The following KCNJ12 variants were observed in gnomAD, a reference collection of about 807,000 sequenced individuals.
The protein encoded by KCNJ12 is potassium inwardly rectifying channel subfamily J member 12, also known as ATP-sensitive inward rectifier potassium channel 12.
A neutral mutation model predicts 22.3 loss-of-function variants in KCNJ12; 2 were observed. The observed-to-expected ratio is 0.09, with a 90% CI of 0.04 to 0.28. The LOEUF (loss-of-function observed/expected upper bound fraction) is 0.28, where lower values mean the gene tolerates loss of function less well. Among genes scored for constraint, KCNJ12 ranks in the 10% least tolerant of loss-of-function variants. The pLI is 1.00. For missense variants in KCNJ12, 155 were observed against 633.3 expected (o/e 0.24, Z 8.11); for synonymous variants, 117 against 261.4 (o/e 0.45, Z 5.33).
chr17:21,410,413 C>T lies in KCNJ12; in HGVS notation c.-57+1773C>T, dbSNP rs1208437747. The stretch of plus-strand genomic sequence containing the variant: ...TGCTCTGGATGCAGTGGATGAAGCT[C>T]TGTGGCTGAGGAATGGTGCTTGCCT... On this transcript the variant is annotated intron_variant, in intron 2 of 2. Transcript: ENST00000583088. Among the ~76,000 whole-genome samples, 5 of 152,374 alleles carry T rather than the reference C, an allele frequency of 3.3e-5. No individual in the cohort carries two copies. The East Asian group carries it at 7.7e-4, about 24-fold the overall frequency.
intron 1 of KCNJ12, among the ~76,000 whole-genome samples, chr17:21,401,649 C>G (rs1252212338): frequency 7.9e-5 from 12 of 152,246 alleles, no homozygotes; most frequent in Non-Finnish European, 1.5e-4. Flanking sequence ...TGAGCTGAAG[C>G]TGGAGTGGCC....
At chr17:21,395,153 G>A (rs1224039676) in intron 1 of KCNJ12, among the ~76,000 whole-genome samples, 1 of 151,918 alleles carries the variant, frequency 6.6e-6, no homozygotes, top group Middle Eastern at 3.2e-3. Context: ...ACATTAGCTG[G>A]GTTTGCTGGA....
chr17:21,401,726 G>A (rs1427451715), intron 1 of KCNJ12, among the ~76,000 whole-genome samples: 5 of 152,214 alleles, frequency 3.3e-5, no homozygotes, highest in Non-Finnish European at 5.9e-5. Flanking sequence ...AGCACTCTTG[G>A]GGCACAGGGA....
rs1906982137 is a variant in KCNJ12 at position 21,418,688 on chromosome 17, G to C, written c.*2044G>C. On this transcript the variant is annotated 3_prime_UTR_variant, in exon 3 of 3. Transcript: ENST00000583088. ...CTCGGGGTCTGCCAGGGGTGCCTCA[G>C]CTGGTTCCTGCTCCCAGGCCTAGCC... The C allele has an allele frequency of 6.0e-6, 1 of 167,620 alleles. No homozygotes were observed. The highest frequency in any genetic ancestry group is 6.5e-5 in the Admixed American group (1 of 15,300). 10.4% of individuals were successfully genotyped at this position (167,620 alleles called of 1,614,324 possible).
At chr17:21,384,913 T>C (rs1003681839) in intron 1 of KCNJ12, among the ~76,000 whole-genome samples, 90 of 151,944 alleles carry the variant, frequency 5.9e-4, no homozygotes, top group African/African-American at 1.7e-3. Context: ...GCTGGGACTA[T>C]AGGCACCCAC....
Position 21,418,211 on chromosome 17 carries a change from C to T in KCNJ12, c.*1567C>T, listed in dbSNP as rs1332663784. 1.8e-5 allele frequency: 3 copies of T among 167,000 alleles called. No individual in the cohort carries two copies. Among genetic ancestry groups the T allele is most frequent in the African/African-American group, 7.2e-5 (3 of 41,392 alleles). 10.3% of individuals were successfully genotyped at this position (167,000 alleles called of 1,614,324 possible). On this transcript the variant is annotated 3_prime_UTR_variant, in exon 3 of 3. Coordinates refer to ENST00000583088, the MANE Select transcript of KCNJ12 (RefSeq NM_021012.5). The stretch of plus-strand genomic sequence containing the variant: ...GCCCTTCCCAGGGCTGCGGAGAAAA[C>T]CTGCTCTCTTCTAGTCGGGCTTCTC...
chr17:21,396,020 C>T lies in KCNJ12; in HGVS notation c.-178-12499C>T, dbSNP rs564962192. Among the ~76,000 whole-genome samples, 452 of 152,314 alleles carry T rather than the reference C, an allele frequency of 3.0e-3. 4 individuals carry two copies. Among genetic ancestry groups the T allele is most frequent in the Non-Finnish European group, 4.1e-3 (282 of 68,024 alleles). On this transcript the variant is annotated intron_variant, in intron 1 of 2. Transcript: ENST00000583088. Reference sequence around the variant, plus strand: ...GCAGCCAGCCCAGGATGTCCTCGGGCTTCTCGGCTGGGCCACAGCCCTGCT... The same window carrying T: ...GCAGCCAGCCCAGGATGTCCTCGGGTTTCTCGGCTGGGCCACAGCCCTGCT...
At chr17:21,402,357 T>A (rs1263964276) in intron 1 of KCNJ12, among the ~76,000 whole-genome samples, 2 of 152,296 alleles carry the variant, frequency 1.3e-5, no homozygotes, top group African/African-American at 2.4e-5. Flanking sequence ...CCTGTTTTTT[T>A]TTGGTCTGTC....
chr17:21,386,947 G>T (rs1446674282), intron 1 of KCNJ12, among the ~76,000 whole-genome samples: 1 of 152,176 alleles, frequency 6.6e-6, no homozygotes, highest in Non-Finnish European at 1.5e-5. Context: ...ATCTCTTTGG[G>T]GAGGGCACCA....
chr17:21,404,112 G>A (rs1378622700), intron 1 of KCNJ12, among the ~76,000 whole-genome samples: 2 of 152,306 alleles, frequency 1.3e-5, no homozygotes, highest in African/African-American at 2.4e-5. Context: ...CACAAACCCC[G>A]AATAGTTTAG....
intron 2 of KCNJ12, 109 bp downstream of exon 2, chr17:21,408,749 C>T (rs1273913351): frequency 1.3e-5 from 2 of 152,360 alleles, no homozygotes; most frequent in Admixed American, 6.5e-5. Flanking sequence ...CTTTCATCAC[C>T]CATTCCCCCA....
At chr17:21,415,154 G>T in intron 2 of KCNJ12, 133 bp from the exon 3 acceptor site, 1 of 678,968 alleles carries the variant, frequency 1.5e-6, no homozygotes, top group Non-Finnish European at 2.5e-6. Context: ...GAGCTGGCTT[G>T]GGCAAGACCA....
intron 1 of KCNJ12, among the ~76,000 whole-genome samples, chr17:21,384,740 C>T (rs1204171510): frequency 6.7e-6 from 1 of 149,234 alleles, no homozygotes; most frequent in Non-Finnish European, 1.5e-5. Context: ...GGGAATGTCA[C>T]TTTGTTTTTT....
chr17:21,404,849 A>G (rs1233042098), intron 1 of KCNJ12, among the ~76,000 whole-genome samples: 1 of 152,218 alleles, frequency 6.6e-6, no homozygotes, highest in East Asian at 1.9e-4. Flanking sequence ...ACTGTCGTCC[A>G]CTCTGTGGGG....
rs1555557337 is a variant in KCNJ12, at chr17:21,376,949, G to A, written c.-179+36G>A. On this transcript the variant is annotated intron_variant, in intron 1 of 2. Coordinates refer to ENST00000583088, the MANE Select transcript of KCNJ12 (RefSeq NM_021012.5). The surrounding 1 kb of genome is among the most constrained non-coding windows in gnomAD (Gnocchi z 5.3). Reference sequence around the variant, plus strand: ...GGCCGCGGGCGCATGGTCCCTCCCGGGCCCGGCCCCAGTTCCCCGCAGGCC... The same window carrying A: ...GGCCGCGGGCGCATGGTCCCTCCCGAGCCCGGCCCCAGTTCCCCGCAGGCC... The A allele has an allele frequency of 1.3e-5, 2 of 152,016 alleles. No individual in the cohort carries two copies. Among genetic ancestry groups the A allele is most frequent in the Admixed American group, 1.3e-4 (2 of 15,288 alleles). 9.4% of individuals were successfully genotyped at this position (152,016 alleles called of 1,614,324 possible). A position where few individuals can be genotyped will look rare whatever the true frequency, so the allele number is the denominator to read the frequency against.
intron 1 of KCNJ12, among the ~76,000 whole-genome samples, chr17:21,395,294 A>G (rs1420114099): frequency 2.7e-4 from 27 of 101,762 alleles, no homozygotes; most frequent in Non-Finnish European, 4.1e-4. Context: ...GATCCTAAAG[A>G]AAAAAAAAAA....
intron 1 of KCNJ12, among the ~76,000 whole-genome samples, chr17:21,382,884 T>C (rs1459619533): frequency 4.6e-5 from 7 of 152,172 alleles, no homozygotes; most frequent in African/African-American, 1.7e-4. Context: ...CCTCCCTGCC[T>C]CCACCCCAAG....
rs72842119 is a variant in KCNJ12 at position 21,417,717 on chromosome 17, C to A, written c.*1073C>A. The A allele has an allele frequency of 6.0e-5, 10 of 167,108 alleles. 1 individual carries two copies. Among genetic ancestry groups the A allele is most frequent in the South Asian group, 2.1e-4 (1 of 4,820 alleles). 10.4% of individuals were successfully genotyped at this position (167,108 alleles called of 1,614,324 possible). On this transcript the variant is annotated 3_prime_UTR_variant, in exon 3 of 3. Transcript: ENST00000583088. Reference sequence around the variant, plus strand: ...TCTTTCTGGGCTTGCTCATCTCCCCCCAACCCTGTCCCACCCCACCCCTCC... The same window carrying A: ...TCTTTCTGGGCTTGCTCATCTCCCCACAACCCTGTCCCACCCCACCCCTCC...
chr17:21,397,632 T>G (rs1905414512), intron 1 of KCNJ12, among the ~76,000 whole-genome samples: 6 of 152,118 alleles, frequency 3.9e-5, no homozygotes, highest in Admixed American at 3.9e-4. Context: ...GCAATTAGTG[T>G]GTTAATTGTC....
Sources: gnomAD v4.1 joint callset for allele counts (sites outside exome capture counted in the v4.1 genomes callset) on GRCh38, gnomAD v4.1.1 for gene constraint, Gnocchi (gnomAD v3.1) non-coding constraint, MANE v1.5 for transcripts, NCBI Gene and HGNC (gene_info 2026-07-23, HGNC 2026-07-21) for gene names.